EFTUD2: variants seen among roughly 807,000 people sequenced by gnomAD.
The protein encoded by EFTUD2 is 116 kDa U5 small nuclear ribonucleoprotein component.
In EFTUD2, 9 loss-of-function variants were observed where a neutral mutation model predicts 114.3. The observed-to-expected ratio is 0.08, with a 90% CI of 0.05 to 0.14. The LOEUF (loss-of-function observed/expected upper bound fraction) is 0.14. EFTUD2 is among the 10% of genes least tolerant of loss of function. EFTUD2 has a pLI of 1.00. For missense variants in EFTUD2, 765 were observed against 1,241.2 expected (o/e 0.62, Z 5.76); for synonymous variants, 449 against 462.3 (o/e 0.97, Z 0.37).
intron 2 of EFTUD2, among the ~76,000 whole-genome samples, chr17:44,889,699 A>C (rs2051243337): frequency 6.6e-6 from 1 of 152,190 alleles, no homozygotes; most frequent in Non-Finnish European, 1.5e-5. Flanking sequence ...CCTTAAGAAC[A>C]CAAAACCCTC....
intron 9 of EFTUD2, among the ~76,000 whole-genome samples, chr17:44,876,712 G>T (rs2050957480): frequency 6.6e-6 from 1 of 152,030 alleles, no homozygotes; most frequent in Non-Finnish European, 1.5e-5. Context: ...GATGAGCTGG[G>T]CGTGGTGGCA....
At chr17:44,851,391 T>C (rs377045327) in intron 27 of EFTUD2, 22 bp from the exon 28 acceptor site, 26 of 1,595,832 alleles carry the variant, frequency 1.6e-5, no homozygotes, top group Non-Finnish European at 2.1e-5. Context: ...GGGGCAAATA[T>C]AAGAAAGCCC....
At chr17:44,869,727 T>C (rs2050812719) in intron 11 of EFTUD2, among the ~76,000 whole-genome samples, 1 of 152,150 alleles carries the variant, frequency 6.6e-6, no homozygotes, top group African/African-American at 2.4e-5. Context: ...CTACTCTTTA[T>C]TTGCCCAAGC....
At position 44,894,474 on chromosome 17, in the gene EFTUD2, C is replaced by G; in HGVS notation, c.48G>C (p.Glu16Asp). The change falls in exon 2 of 28, where the codon GAG (glutamate) becomes GAC (aspartate). Residue 16 changes from glutamate (E) to aspartate (D), a missense_variant. Glu to Asp is a conservative substitution (Grantham distance 45). Around this residue, in one of 6 missense-constraint regions of EFTUD2, gnomAD observed 121 missense variants for 133.7 expected, o/e 0.90. Coordinates refer to ENST00000426333, the MANE Select transcript of EFTUD2 (RefSeq NM_004247.4). ...CATCATCATCTTCATCAGAATCAAG[C>G]TCTGGTCCAATATAATTCCCAAACT... ...YDEFGNYIGP[E>D]LDSDEDDDEL... The G allele has an allele frequency of 1.9e-6, 3 of 1,614,218 alleles. No individual in the cohort carries two copies. Among genetic ancestry groups the G allele is most frequent in the Non-Finnish European group, 2.5e-6 (3 of 1,180,032 alleles).
At chr17:44,871,384 G>A (rs913892203) in intron 11 of EFTUD2, among the ~76,000 whole-genome samples, 10 of 149,398 alleles carry the variant, frequency 6.7e-5, no homozygotes, top group Non-Finnish European at 1.3e-4. Flanking sequence ...CTGTCGCCCA[G>A]GCTGGAGTGC....
At chr17:44,852,245 G>T in intron 26 of EFTUD2, among the ~76,000 whole-genome samples, 164 bp downstream of exon 26, 1 of 150,428 alleles carries the variant, frequency 6.6e-6, no homozygotes. Flanking sequence ...TTTTTAAACT[G>T]AGAGACACAG....
chr17:44,860,410 T>G, intron 17 of EFTUD2, 22 bp downstream of exon 17: 1 of 1,559,416 alleles, frequency 6.4e-7, no homozygotes, highest in Non-Finnish European at 8.8e-7. Context: ...GCCAACCCAG[T>G]TGGTCTCTTC....
chr17:44,857,523 A>G (rs528509370), intron 19 of EFTUD2: 1 of 265,862 alleles, frequency 3.8e-6, no homozygotes, highest in South Asian at 4.3e-5. Context: ...ACTGGCGTGC[A>G]CCCATGTCAT....
chr17:44,880,583 G>T lies in EFTUD2; in HGVS notation c.590C>A (p.Ser197Tyr). The change falls in exon 8 of 28, where the codon TCT becomes TAT. Residue 197 changes from serine (S) to tyrosine (Y), a missense_variant. Ser to Tyr is a moderately radical substitution (Grantham distance 144). Transcript: ENST00000426333. Reference sequence around the variant, plus strand: ...AGTGTCCATGATATTGAAGAGATAAGATTTTCCTTTGGTGTCTGGCAAGAC... The same window carrying T: ...AGTGTCCATGATATTGAAGAGATAATATTTTCCTTTGGTGTCTGGCAAGAC... ...TVVLPDTKGK[S>Y]YLFNIMDTPG... is the part of the protein sequence containing the mutation. 6.2e-7 allele frequency: 1 copy of T among 1,613,764 alleles called. No homozygotes were observed. The highest frequency in any genetic ancestry group is 8.5e-7 in the Non-Finnish European group (1 of 1,179,712).
chr17:44,894,600 G>A, intron 1 of EFTUD2, 75 bp from the exon 2 acceptor site: 1 of 1,110,348 alleles, frequency 9.0e-7, no homozygotes, highest in Non-Finnish European at 1.4e-6. Context: ...CACCTGTCTA[G>A]TCTTAGTCTT....
chr17:44,875,099 C>G (rs534334902), intron 10 of EFTUD2, among the ~76,000 whole-genome samples: 17 of 152,078 alleles, frequency 1.1e-4, no homozygotes, highest in African/African-American at 4.1e-4. Context: ...GGTGCAGCGG[C>G]TCAAATCTGT....
At chr17:44,869,537 T>C (rs991352825) in intron 11 of EFTUD2, among the ~76,000 whole-genome samples, 1 of 152,168 alleles carries the variant, frequency 6.6e-6, no homozygotes, top group East Asian at 1.9e-4. Context: ...TGGCCTCAAG[T>C]GATCCTCTAC....
rs990891572 is a variant in EFTUD2, at chr17:44,872,500, A to G, written c.940T>C (p.Tyr314His). Residue 314 changes from tyrosine (Y) to histidine (H), a missense_variant, in exon 11 of 28, where the codon TAC becomes CAC. Tyr to His is a moderately conservative substitution (Grantham distance 83, BLOSUM62 2). Transcript: ENST00000426333. ...GAGCCCAGCGTGAAGCAGATGCTGT[A>G]CTGGGAGCTGGAGAAGCAGACGTTA... ...LGNVCFSSSQYSICFTLGSFA... is the reference protein window; with the variant it reads ...LGNVCFSSSQHSICFTLGSFA... 6.2e-7 allele frequency: 1 copy of G among 1,613,456 alleles called. No individual in the cohort carries two copies. The highest frequency in any genetic ancestry group is 1.3e-5 in the African/African-American group (1 of 74,918).
At chr17:44,885,225 T>C in intron 4 of EFTUD2, 31 bp downstream of exon 4, 2 of 1,570,676 alleles carry the variant, frequency 1.3e-6, no homozygotes, top group Non-Finnish European at 8.8e-7. Flanking sequence ...ACAGCATTCC[T>C]GCAGAGAAGC....
intron 9 of EFTUD2, among the ~76,000 whole-genome samples, chr17:44,878,295 GA>G (rs1361073954): frequency 6.6e-6 from 1 of 152,174 alleles, no homozygotes; most frequent in Non-Finnish European, 1.5e-5. Flanking sequence ...GCTTAATCAC[GA>G]GGAAGTATTA....
chr17:44,875,757 T>C lies in EFTUD2; in HGVS notation c.869+177A>G, dbSNP rs540846456. 8.2e-5 allele frequency: 54 copies of C among 662,514 alleles called. 1 individual carries two copies. The highest frequency in any genetic ancestry group is 2.0e-4 in the African/African-American group (11 of 55,584). 41.0% of individuals were successfully genotyped at this position (662,514 alleles called of 1,614,324 possible). A position where few individuals can be genotyped will look rare whatever the true frequency, so the allele number is the denominator to read the frequency against. ...CCAAGTACTGATCATAATAGTAAAA[T>C]GAAGATGTGTTAAAGTATGAAGTCA... On this transcript the variant is annotated intron_variant, in intron 10 of 27. Transcript: ENST00000426333.
In EFTUD2 at chr17:44,883,137, T is replaced by C. The variant is rs1305432972; in HGVS notation, c.448A>G (p.Ile150Val). The C allele has an allele frequency of 1.2e-6, 2 of 1,614,116 alleles. No individual in the cohort carries two copies. The highest frequency in any genetic ancestry group is 1.7e-5 in the Admixed American group (1 of 60,006). ...CTGATTTCCGGGTGAGTCTGTTCAA[T>C]TAAACAATCCACAAAACATGTCTAA... ...HGKTCFVDCL[I>V]EQTHPEIRKR... The change falls in exon 6 of 28, where the codon ATT becomes GTT. Residue 150 changes from isoleucine to valine, a missense_variant. By Grantham distance (29) the Ile-to-Val change is conservative. Around this residue, in one of 6 missense-constraint regions of EFTUD2, gnomAD observed 251 missense variants for 357.7 expected, o/e 0.70. Coordinates refer to ENST00000426333, the MANE Select transcript of EFTUD2 (RefSeq NM_004247.4).
chr17:44,858,219 G>C (rs1016878199), intron 19 of EFTUD2, among the ~76,000 whole-genome samples: 23 of 151,980 alleles, frequency 1.5e-4, no homozygotes, highest in Non-Finnish European at 2.9e-4. Context: ...ACCGTGCTCG[G>C]CCTGTTTTAT....
chr17:44,870,936 T>G (rs2050840477), intron 11 of EFTUD2, among the ~76,000 whole-genome samples: 2 of 151,884 alleles, frequency 1.3e-5, no homozygotes, highest in African/African-American at 4.8e-5. Flanking sequence ...GAGAATCACT[T>G]AAACCCAGGA....
Sources: gnomAD v4.1 joint callset for allele counts (sites outside exome capture counted in the v4.1 genomes callset) on GRCh38, gnomAD v4.1.1 for gene constraint, gnomAD v4.1.1 regional missense constraint, MANE v1.5 for transcripts, NCBI Gene and HGNC (gene_info 2026-07-23, HGNC 2026-07-21) for gene names.